Variants in SGF29 observed in about 807,000 individuals in gnomAD.
SGF29 encodes the protein SAGA-associated factor 29.
SGF29 carries 15 observed loss-of-function variants against 38.1 expected under a neutral mutation model. That is an observed-to-expected ratio of 0.39 (90% CI 0.26 to 0.61). The LOEUF (loss-of-function observed/expected upper bound fraction) is 0.61. Ranked by LOEUF, SGF29 falls within the 20% of genes least tolerant of loss-of-function variation. The pLI, the probability that SGF29 is intolerant of heterozygous loss-of-function variation, is 0.49. For missense variants in SGF29, 184 were observed against 394.6 expected, an observed-to-expected ratio of 0.47 and a Z score of 4.52; for synonymous variants, 151 against 160.8, an observed-to-expected ratio of 0.94 and a Z score of 0.46.
chr16:28,580,670 A>G (rs1015600958), intron 1 of SGF29, among the ~76,000 whole-genome samples: 1 of 152,088 alleles, frequency 6.6e-6, no homozygotes, highest in Non-Finnish European at 1.5e-5. Flanking sequence ...TAGGACTACA[A>G]TGTATCTTTT....
At chr16:28,560,788 C>T (rs866294393) in intron 1 of SGF29, among the ~76,000 whole-genome samples, 4 of 151,598 alleles carry the variant, frequency 2.6e-5, no homozygotes, top group East Asian at 1.9e-4. Flanking sequence ...GGTGAAACCC[C>T]GTCTCTGCTA....
chr16:28,562,503 C>T (rs2046796022), intron 1 of SGF29, among the ~76,000 whole-genome samples: 1 of 152,096 alleles, frequency 6.6e-6, no homozygotes, highest in African/African-American at 2.4e-5. Context: ...GGGCATGCTG[C>T]TCGCCTCTTC....
chr16:28,578,760 G>A (rs553676911), intron 1 of SGF29, among the ~76,000 whole-genome samples: 1 of 150,816 alleles, frequency 6.6e-6, no homozygotes, highest in African/African-American at 2.4e-5. Context: ...GGCCAAGATG[G>A]TGAAACCCCG....
chr16:28,580,962 G>A (rs1414019021), intron 1 of SGF29, 93 bp from the exon 2 acceptor site: 3 of 937,914 alleles, frequency 3.2e-6, no homozygotes, highest in Non-Finnish European at 5.0e-6. Context: ...ATTACAGCAT[G>A]AGCCTCCAGG....
At position 28,582,251 on chromosome 16, in the gene SGF29, C is replaced by G. The variant is rs537049184; in HGVS notation, c.75+1107C>G. On this transcript the variant is annotated intron_variant, in intron 2 of 9. Transcript: ENST00000317058. ...ACGTGCTGTGTATTCCAACTGTAAA[C>G]GAAAAGCAAAACTAGAGAGTGAAAG... Among the ~76,000 whole-genome samples, 9 of 152,130 alleles carry G rather than the reference C, an allele frequency of 5.9e-5. No homozygotes were observed. The East Asian group carries it at 1.4e-3, about 23-fold the overall frequency.
At position 28,581,063 on chromosome 16, in the gene SGF29, G is replaced by C. The variant is rs1478244081; in HGVS notation, c.-7G>C. 2.5e-6 allele frequency: 4 copies of C among 1,613,454 alleles called. No individual in the cohort carries two copies. The highest frequency in any genetic ancestry group is 3.4e-6 in the Non-Finnish European group (4 of 1,179,748). ...CCTCGCTCCCCCACCAGGTGCCCCT[G>C]TAGACAATGGCCCTCGTGTCTGCCG... On this transcript the variant is annotated 5_prime_UTR_variant, in exon 2 of 10. Coordinates refer to ENST00000317058, the MANE Select transcript of SGF29 (RefSeq NM_138414.3).
At chr16:28,569,623 G>A (rs1242401690) in intron 1 of SGF29, among the ~76,000 whole-genome samples, 1 of 152,182 alleles carries the variant, frequency 6.6e-6, no homozygotes, top group Non-Finnish European at 1.5e-5. Context: ...GTGCACTCCA[G>A]CCTGGGTGAC....
intron 1 of SGF29, among the ~76,000 whole-genome samples, chr16:28,570,326 G>C (rs983867206): frequency 6.6e-6 from 1 of 152,186 alleles, no homozygotes; most frequent in Admixed American, 6.5e-5. Flanking sequence ...AATGGGGTTT[G>C]CTCTGTTGGG....
chr16:28,585,042 T>C, intron 3 of SGF29, 54 bp downstream of exon 3: 1 of 1,348,864 alleles, frequency 7.4e-7, no homozygotes, highest in Non-Finnish European at 1.1e-6. Flanking sequence ...AGGGTGAGTA[T>C]GGCCAAGACT....
chr16:28,569,428 G>A (rs575039341), intron 1 of SGF29, among the ~76,000 whole-genome samples: 4 of 152,194 alleles, frequency 2.6e-5, no homozygotes, highest in African/African-American at 9.6e-5. Flanking sequence ...AGGAGGTTGA[G>A]GCAGGTGGAT....
chr16:28,564,708 C>CACAT (rs1555474885), intron 1 of SGF29, among the ~76,000 whole-genome samples: 5 of 50,244 alleles, frequency 1.0e-4, no homozygotes, highest in African/African-American at 2.8e-4. Flanking sequence ...TATATATATA[C>CACAT]ATATATATGT....
chr16:28,563,465 G>T (rs1415907106), intron 1 of SGF29, among the ~76,000 whole-genome samples: 1 of 152,128 alleles, frequency 6.6e-6, no homozygotes, highest in African/African-American at 2.4e-5. Flanking sequence ...CTCTCTCCCT[G>T]AAAGTTTCAA....
chr16:28,579,837 A>G (rs2046915410), intron 1 of SGF29, among the ~76,000 whole-genome samples: 1 of 152,018 alleles, frequency 6.6e-6, no homozygotes, highest in South Asian at 2.1e-4. Flanking sequence ...AGGCTGAGGC[A>G]GGAGAATTGC....
chr16:28,561,490 A>G (rs2046789601), intron 1 of SGF29, among the ~76,000 whole-genome samples: 1 of 151,790 alleles, frequency 6.6e-6, no homozygotes, highest in Non-Finnish European at 1.5e-5. Context: ...CCAAGATCGC[A>G]CCACTGCACT....
intron 1 of SGF29, among the ~76,000 whole-genome samples, chr16:28,565,773 C>T (rs1567286535): frequency 6.6e-6 from 1 of 151,508 alleles, no homozygotes; most frequent in Non-Finnish European, 1.5e-5. Flanking sequence ...AGACGTGAGC[C>T]ACCACGCCCA....
chr16:28,575,099 CT>C (rs1336248687), intron 1 of SGF29, among the ~76,000 whole-genome samples: 1 of 152,128 alleles, frequency 6.6e-6, no homozygotes, highest in Non-Finnish European at 1.5e-5. Flanking sequence ...CAGTGCATCC[CT>C]TCTGAACCAC....
At chr16:28,564,625 ATATATATACGTATATATGTG>A (rs1367919024) in intron 1 of SGF29, among the ~76,000 whole-genome samples, 2 of 124,142 alleles carry the variant, frequency 1.6e-5, no homozygotes, top group African/African-American at 5.9e-5. Flanking sequence ...ACATATATGC[ATATATATACGTATATATGTG>A]TATATATACG....
chr16:28,589,641 A>G (rs1388402202), intron 5 of SGF29, among the ~76,000 whole-genome samples: 2 of 152,226 alleles, frequency 1.3e-5, no homozygotes, highest in African/African-American at 4.8e-5. Flanking sequence ...TGTGAAGTCA[A>G]GTGGGGTGTC....
chr16:28,587,695 C>T lies in SGF29; in HGVS notation c.225-1405C>T, dbSNP rs370904977. ...TGCCGCACAAAGGTCTTTAGAACTC[C>T]GGGTCATTTCAGAAAGGCTTGCCAG... On this transcript the variant is annotated intron_variant, in intron 4 of 9. Transcript: ENST00000317058. 1.4e-4 allele frequency among the ~76,000 whole-genome samples: 21 copies of T among 152,214 alleles called. No individual in the cohort carries two copies. The East Asian group carries it at 3.5e-3, about 25-fold the overall frequency.
Sources: gnomAD v4.1 joint callset for allele counts (sites outside exome capture counted in the v4.1 genomes callset) on GRCh38, gnomAD v4.1.1 for gene constraint, MANE v1.5 for transcripts, NCBI Gene and HGNC (gene_info 2026-07-23, HGNC 2026-07-21) for gene names.